PMPCB: variants seen among roughly 807,000 people sequenced by gnomAD.
PMPCB encodes the protein peptidase, mitochondrial processing subunit beta.
In PMPCB, 46 loss-of-function variants were observed where a neutral mutation model predicts 61.5. The ratio of observed to expected loss-of-function variants is 0.75; its 90% CI spans 0.59 to 0.96. The LOEUF is 0.96. Ranked by LOEUF, PMPCB falls within the 40% of genes least tolerant of loss-of-function variation. The probability of loss-of-function intolerance (pLI) is 0.00; values close to 1 mark genes in which losing one functional copy is unlikely to be tolerated. For missense variants in PMPCB, 590 were observed against 602.4 expected (o/e 0.98, Z 0.22); for synonymous variants, 191 against 201.6 (o/e 0.95, Z 0.44).
In PMPCB at chr7:103,314,045, A is replaced by C. The variant is rs374861773; in HGVS notation, c.*1774A>C. 20 of 985,246 alleles carry C rather than the reference A, an allele frequency of 2.0e-5. No homozygotes were observed. Among genetic ancestry groups the C allele is most frequent in the South Asian group, 4.7e-5 (1 of 21,298 alleles). 61.0% of individuals were successfully genotyped at this position (985,246 alleles called of 1,614,324 possible). On this transcript the variant is annotated 3_prime_UTR_variant, in exon 13 of 13. Coordinates refer to ENST00000249269, the MANE Select transcript of PMPCB (RefSeq NM_004279.3). The stretch of plus-strand genomic sequence containing the variant: ...AAGGAAAAACAAAACAAAACAAAAC[A>C]AAACCACCACCTATTCAAAACAAAG...
chr7:103,342,949 G>C, the PMPCB span, among the ~76,000 whole-genome samples: 5 of 151,680 alleles, frequency 3.3e-5, no homozygotes, highest in African/African-American at 1.2e-4. Flanking sequence ...GTGATAAATT[G>C]TCACGAAGAG....
At chr7:103,316,945 T>TA, downstream of PMPCB, 1 of 1,614,142 alleles carries the variant, frequency 6.2e-7, no homozygotes, top group Non-Finnish European at 8.5e-7. Flanking sequence ...TCTGTGTTCT[T>TA]AGATGCTTGT....
downstream of PMPCB, among the ~76,000 whole-genome samples, chr7:103,334,289 C>T (rs1007308238): frequency 1.1e-4 from 17 of 149,124 alleles, no homozygotes; most frequent in African/African-American, 3.7e-4. Context: ...TGGCTGGGCA[C>T]GGTGGCTCAT....
chr7:103,329,395 G>A (rs891262591), exon 13 of PMPCB: 2 of 153,204 alleles, frequency 1.3e-5, no homozygotes, highest in African/African-American at 2.4e-5. Flanking sequence ...CTCAGCCTGC[G>A]TCTGTATGCT....
At chr7:103,320,584 C>G (rs1275841686) in intron 12 of PMPCB, among the ~76,000 whole-genome samples, 1 of 151,080 alleles carries the variant, frequency 6.6e-6, no homozygotes, top group Non-Finnish European at 1.5e-5. Flanking sequence ...CACAGTGAAA[C>G]CCCGTCTCTA....
chr7:103,319,827 A>G, intron 12 of PMPCB: 1 of 1,614,216 alleles, frequency 6.2e-7, no homozygotes, highest in Non-Finnish European at 8.5e-7. Context: ...CCTCATTATC[A>G]GAAAAATGAT....
In PMPCB at chr7:103,314,092, G is replaced by A. The variant is rs1817911178; in HGVS notation, c.*1821G>A. Reference sequence around the variant, plus strand: ...AAAGCAGAGAATTTGTATAATATTTGATGGTACCTAAGGTGCCTAAGAAGC... The same window carrying A: ...AAAGCAGAGAATTTGTATAATATTTAATGGTACCTAAGGTGCCTAAGAAGC... On this transcript the variant is annotated 3_prime_UTR_variant, in exon 13 of 13. Transcript: ENST00000249269. 5 of 985,370 alleles carry A rather than the reference G, an allele frequency of 5.1e-6. No homozygotes were observed. Among genetic ancestry groups the A allele is most frequent in the Non-Finnish European group, 6.0e-6 (5 of 829,916 alleles). The allele number at this position is 985,370 out of a possible 1,614,324, so 61.0% of individuals were successfully genotyped here. A position where few individuals can be genotyped will look rare whatever the true frequency, so the allele number is the denominator to read the frequency against.
intron 9 of PMPCB, chr7:103,311,241 A>T (rs1347759020): frequency 5.9e-6 from 1 of 168,990 alleles, no homozygotes; most frequent in African/African-American, 2.4e-5. Context: ...ATCTTTCTAA[A>T]TCTAGTCAAC....
In PMPCB at chr7:103,311,415, G is replaced by A. The variant is rs151083900; in HGVS notation, c.1155-228G>A. 29 of 553,232 alleles carry A rather than the reference G, an allele frequency of 5.2e-5. No homozygotes were observed. In the East Asian group the frequency reaches 8.8e-4, roughly 17 times the overall value. The allele number at this position is 553,232 out of a possible 1,614,324, so 34.3% of individuals were successfully genotyped here. Reference sequence around the variant, plus strand: ...TATAGCATTTCTGAAAATGTGATCAGCCCATTTGTATAAAGCCTTTGTCTG... The same window carrying A: ...TATAGCATTTCTGAAAATGTGATCAACCCATTTGTATAAAGCCTTTGTCTG... On this transcript the variant is annotated intron_variant, in intron 9 of 12. Coordinates refer to ENST00000249269, the MANE Select transcript of PMPCB (RefSeq NM_004279.3).
chr7:103,322,168 AATTAT>A (rs1586081191), intron 12 of PMPCB: 1 of 1,034,352 alleles, frequency 9.7e-7, no homozygotes, highest in East Asian at 2.8e-5. Flanking sequence ...ACTTTTAATA[AATTAT>A]ATTAGGAAAA....
In PMPCB at chr7:103,314,676, T is replaced by C. The variant is rs1817949479; in HGVS notation, c.*2405T>C. The C allele has an allele frequency of 1.0e-6, 1 of 984,610 alleles. No individual in the cohort carries two copies. The highest frequency in any genetic ancestry group is 1.2e-6 in the Non-Finnish European group (1 of 829,188). 61.0% of individuals were successfully genotyped at this position (984,610 alleles called of 1,614,324 possible). ...ACCTTTATTAAAAGAACCGAAATAA[T>C]GCCTAACTCAGCCAAACAAGTCACT... On this transcript the variant is annotated 3_prime_UTR_variant, in exon 13 of 13. Transcript: ENST00000249269.
chr7:103,343,095 G>A, the PMPCB span, among the ~76,000 whole-genome samples: 1 of 151,906 alleles, frequency 6.6e-6, no homozygotes, highest in Non-Finnish European at 1.5e-5. Context: ...CGCCTCCCGG[G>A]TTCAAACGAT....
At chr7:103,344,731 T>G in the PMPCB span, 6 of 1,170,396 alleles carry the variant, frequency 5.1e-6, no homozygotes, top group South Asian at 1.3e-5. Flanking sequence ...GCCTTGGCTC[T>G]AAGACGCCCA....
At chr7:103,331,561 A>G (rs938701082), downstream of PMPCB, among the ~76,000 whole-genome samples, 1 of 152,018 alleles carries the variant, frequency 6.6e-6, no homozygotes, top group African/African-American at 2.4e-5. Flanking sequence ...TACTACCTCC[A>G]CGAGATCAAC....
At chr7:103,327,789 T>C in intron 12 of PMPCB, 1 of 1,420,674 alleles carries the variant, frequency 7.0e-7, no homozygotes, top group Non-Finnish European at 9.8e-7. Flanking sequence ...AATTTGTCAC[T>C]TTAAGCACCA....
At chr7:103,301,291 A>G (rs778993112) in intron 4 of PMPCB, among the ~76,000 whole-genome samples, 1 of 152,228 alleles carries the variant, frequency 6.6e-6, no homozygotes, top group Non-Finnish European at 1.5e-5. Flanking sequence ...TCACTTGTAA[A>G]TAACTAAAAT....
chr7:103,300,404 TC>T, intron 4 of PMPCB, 97 bp downstream of exon 4: 2 of 1,004,568 alleles, frequency 2.0e-6, no homozygotes, highest in Non-Finnish European at 2.8e-6. Context: ...AAGAGTAAGT[TC>T]CAGAAATGTG....
the PMPCB span, among the ~76,000 whole-genome samples, chr7:103,340,210 A>G: frequency 6.6e-6 from 1 of 152,226 alleles, no homozygotes; most frequent in Non-Finnish European, 1.5e-5. Context: ...TATTTCTTCA[A>G]ATAACAAAGT....
chr7:103,320,836 T>C, intron 12 of PMPCB: 1 of 186,460 alleles, frequency 5.4e-6, no homozygotes, highest in Non-Finnish European at 1.1e-5. Flanking sequence ...ATGTCTTTTT[T>C]TTTTTTTTTT....
Sources: allele counts gnomAD v4.1 joint callset (sites outside exome capture counted in the v4.1 genomes callset), GRCh38; gene constraint gnomAD v4.1.1; transcripts MANE v1.5; gene names NCBI Gene and HGNC (gene_info 2026-07-23, HGNC 2026-07-21).